The following TTLL2 variants were observed in gnomAD, a reference collection of about 807,000 sequenced individuals.
TTLL2 encodes the protein tubulin tyrosine ligase like 2, also known as probable tubulin polyglutamylase TTLL2.
In TTLL2, 10 loss-of-function variants were observed where a neutral mutation model predicts 7.5. That is an observed-to-expected ratio of 1.33 (90% CI 0.82 to 2.25). The LOEUF is 2.25. Ranked by LOEUF, TTLL2 falls within the 30% of genes most tolerant of loss-of-function variation. The probability of loss-of-function intolerance (pLI) is 0.00; values close to 1 mark genes in which losing one functional copy is unlikely to be tolerated. For synonymous variants in TTLL2, 284 were observed against 280.3 expected, an observed-to-expected ratio of 1.01 and a Z score of -0.13; for missense variants, 733 against 735.7, an observed-to-expected ratio of 1.00 and a Z score of 0.04.
At position 167,340,205 on chromosome 6, in the gene TTLL2, T is replaced by C. The variant is rs1296762980; in HGVS notation, c.305T>C (p.Val102Ala). ...DETTPAVVQSVLLERGWNKFD... is the reference protein window; with the variant it reads ...DETTPAVVQSALLERGWNKFD... ...ACCACCCCGGCTGTGGTGCAAAGCGTCCTCCTGGAGAGGGGGTGGAATAAG... is the reference window on the plus strand; with the variant it reads ...ACCACCCCGGCTGTGGTGCAAAGCGCCCTCCTGGAGAGGGGGTGGAATAAG... Residue 102 changes from valine (V) to alanine (A), a missense_variant, in exon 3 of 3, where the codon GTC (valine) becomes GCC (alanine). Physicochemically the swap from Val to Ala is moderately conservative, Grantham distance 64. Coordinates refer to ENST00000239587, the MANE Select transcript of TTLL2 (RefSeq NM_031949.5). 2 of 1,614,030 alleles carry C rather than the reference T, an allele frequency of 1.2e-6. No homozygotes were observed. Among genetic ancestry groups the C allele is most frequent in the Admixed American group, 3.3e-5 (2 of 60,020 alleles).
rs1779058269 is a variant in TTLL2, at chr6:167,340,229, A to C, written c.329A>C (p.Lys110Thr). ...GTCCTCCTGGAGAGGGGGTGGAATA[A>C]GTTTGATAAGCAGGAGCAGAACGCG... ...QSVLLERGWN[K>T]FDKQEQNAED... Residue 110 changes from lysine to threonine, a missense_variant, in exon 3 of 3, where the codon AAG (lysine) becomes ACG (threonine). Transcript: ENST00000239587. 6.2e-7 allele frequency: 1 copy of C among 1,614,120 alleles called. No homozygotes were observed.
chr6:167,338,567 C>A, intron 1 of TTLL2, 80 bp from the exon 2 acceptor site: 1 of 1,486,380 alleles, frequency 6.7e-7, no homozygotes, highest in Non-Finnish European at 9.0e-7. Flanking sequence ...ATGGATTGAT[C>A]AATTCTGTAT....
intron 1 of TTLL2, among the ~76,000 whole-genome samples, chr6:167,331,438 C>T (rs912553449): frequency 6.6e-6 from 1 of 152,132 alleles, no homozygotes; most frequent in Non-Finnish European, 1.5e-5. Flanking sequence ...CTCTAGAAAC[C>T]TCTGTTGTAC....
intron 1 of TTLL2, among the ~76,000 whole-genome samples, chr6:167,329,494 C>A (rs1778893446): frequency 6.6e-6 from 1 of 152,152 alleles, no homozygotes; most frequent in African/African-American, 2.4e-5. Context: ...GTTAAATTGA[C>A]AGGTGTCCCA....
At chr6:167,330,222 G>A (rs1482578760) in intron 1 of TTLL2, among the ~76,000 whole-genome samples, 1 of 152,166 alleles carries the variant, frequency 6.6e-6, no homozygotes, top group Non-Finnish European at 1.5e-5. Flanking sequence ...TTGTGTGTCT[G>A]TATTACTTGT....
At chr6:167,330,762 A>C (rs1313087452) in intron 1 of TTLL2, among the ~76,000 whole-genome samples, 3 of 152,178 alleles carry the variant, frequency 2.0e-5, no homozygotes, top group Non-Finnish European at 2.9e-5. Flanking sequence ...CTCATATTTC[A>C]GCCAGCGAGG....
At position 167,341,849 on chromosome 6, in the gene TTLL2, CAATATGTT is replaced by C; in HGVS notation, c.*171_*178del. On this transcript the variant is annotated 3_prime_UTR_variant, in exon 3 of 3. Coordinates refer to ENST00000239587, the MANE Select transcript of TTLL2 (RefSeq NM_031949.5). ...TAAATATAACAGCTCTGACAAAGCA[CAATATGTT>C]CAAGTGGTGATTAAACTACATTACA... 6 of 699,664 alleles carry C rather than the reference CAATATGTT, an allele frequency of 8.6e-6. No homozygotes were observed. The highest frequency in any genetic ancestry group is 1.4e-5 in the Non-Finnish European group (6 of 434,736). 43.3% of individuals were successfully genotyped at this position (699,664 alleles called of 1,614,324 possible).
chr6:167,341,140 C>T lies in TTLL2; in HGVS notation c.1240C>T (p.Leu414=), dbSNP rs143209428. 4,589 of 1,613,816 alleles carry T rather than the reference C, an allele frequency of 2.8e-3. 14 individuals carry two copies. Among genetic ancestry groups the T allele is most frequent in the Middle Eastern group, 6.9e-3 (42 of 6,062 alleles). The change falls in exon 3 of 3, where the codon CTG becomes TTG. Residue 414 remains leucine (L), a synonymous_variant. Transcript: ENST00000239587. ...AAAACTTGTCCATGATATTATTGACCTGATTTACTTAAATGGTCTAAGAAA... is the reference window on the plus strand; with the variant it reads ...AAAACTTGTCCATGATATTATTGACTTGATTTACTTAAATGGTCTAAGAAA... ...KRKLVHDIID[L]IYLNGLRNEG... is the part of the protein sequence containing the mutation.
At chr6:167,337,919 A>C (rs1234861868) in intron 1 of TTLL2, among the ~76,000 whole-genome samples, 1 of 152,006 alleles carries the variant, frequency 6.6e-6, no homozygotes, top group Non-Finnish European at 1.5e-5. Flanking sequence ...CATACACAGC[A>C]CATACAACAC....
chr6:167,331,853 C>T (rs944382963), intron 1 of TTLL2, among the ~76,000 whole-genome samples: 3 of 152,156 alleles, frequency 2.0e-5, no homozygotes, highest in African/African-American at 7.2e-5. Context: ...TACCTCACTC[C>T]CGATTTCTAT....
At chr6:167,327,442 T>C (rs1778860561) in intron 1 of TTLL2, among the ~76,000 whole-genome samples, 1 of 152,182 alleles carries the variant, frequency 6.6e-6, no homozygotes, top group Non-Finnish European at 1.5e-5. Flanking sequence ...AGGAGTAAAA[T>C]GGGAGGCAGG....
rs139171962 is a variant in TTLL2, at chr6:167,340,474, G to A, written c.574G>A (p.Val192Met). 27 of 1,613,988 alleles carry A rather than the reference G, an allele frequency of 1.7e-5. 1 individual carries two copies. Among genetic ancestry groups the A allele is most frequent in the African/African-American group, 2.7e-5 (2 of 74,870 alleles). Reference sequence around the variant, plus strand: ...CATGCCCAATGACTATACCAAGTTCGTGGCTGAATACTTTCAGGAGAGGCA... The same window carrying A: ...CATGCCCAATGACTATACCAAGTTCATGGCTGAATACTTTCAGGAGAGGCA... ...FVMPNDYTKF[V>M]AEYFQERQML... The change falls in exon 3 of 3, where the codon GTG (valine) becomes ATG (methionine). Residue 192 changes from valine to methionine, a missense_variant. By Grantham distance (21) the Val-to-Met change is conservative. Coordinates refer to ENST00000239587, the MANE Select transcript of TTLL2 (RefSeq NM_031949.5).
chr6:167,341,928 C>G lies in TTLL2; in HGVS notation c.*249C>G, dbSNP rs1779103601. On this transcript the variant is annotated 3_prime_UTR_variant, in exon 3 of 3. Coordinates refer to ENST00000239587, the MANE Select transcript of TTLL2 (RefSeq NM_031949.5). The stretch of plus-strand genomic sequence containing the variant: ...GTGTCTTGAAAGAATTCTACAAATA[C>G]CACACAGCCTCCCACCAGTAATTGA... 2.1e-6 allele frequency: 1 copy of G among 480,206 alleles called. No homozygotes were observed. Among genetic ancestry groups the G allele is most frequent in the Non-Finnish European group, 3.6e-6 (1 of 274,148 alleles). The allele number at this position is 480,206 out of a possible 1,614,324, so 29.7% of individuals were successfully genotyped here. A position where few individuals can be genotyped will look rare whatever the true frequency, so the allele number is the denominator to read the frequency against.
chr6:167,339,641 C>T lies in TTLL2; in HGVS notation c.205-464C>T, dbSNP rs891325024. On this transcript the variant is annotated intron_variant, in intron 2 of 2. Coordinates refer to ENST00000239587, the MANE Select transcript of TTLL2 (RefSeq NM_031949.5). ...GCCTGGCCTTCTTAAATTTCTCAGG[C>T]CAAAAGAACTCTTACTAATTTTATG... 4.6e-5 allele frequency among the ~76,000 whole-genome samples: 7 copies of T among 152,074 alleles called. No homozygotes were observed. The East Asian group carries it at 1.3e-3, about 29-fold the overall frequency.
intron 1 of TTLL2, among the ~76,000 whole-genome samples, chr6:167,325,931 G>T (rs1167424189): frequency 6.6e-6 from 1 of 152,182 alleles, no homozygotes; most frequent in Non-Finnish European, 1.5e-5. Context: ...CGGGAAGCGG[G>T]CTGTGACAGG....
intron 1 of TTLL2, among the ~76,000 whole-genome samples, chr6:167,336,377 A>G (rs893404176): frequency 1.1e-4 from 16 of 152,184 alleles, no homozygotes; most frequent in African/African-American, 3.1e-4. Flanking sequence ...TATTGTCACT[A>G]TGTTCTATAT....
At position 167,338,779 on chromosome 6, in the gene TTLL2, C is replaced by CT; in HGVS notation, c.180_181insT (p.Pro61SerfsTer18). ...TTTCCATCCCTCCCAGGCGAGGCCGCCCAACACCAACACTGGAGAAGAAGG... is the reference window on the plus strand; with the variant it reads ...TTTCCATCCCTCCCAGGCGAGGCCGCTCCAACACCAACACTGGAGAAGAAGG... On this transcript the variant is annotated frameshift_variant, in exon 2 of 3. Transcript: ENST00000239587. LOFTEE classifies it low-confidence loss of function (END_TRUNC). 2 of 1,612,756 alleles carry CT rather than the reference C, an allele frequency of 1.2e-6. No homozygotes were observed. Among genetic ancestry groups the CT allele is most frequent in the Non-Finnish European group, 1.7e-6 (2 of 1,179,186 alleles).
intron 1 of TTLL2, among the ~76,000 whole-genome samples, chr6:167,326,903 A>T (rs1778853816): frequency 6.6e-6 from 1 of 152,206 alleles, no homozygotes; most frequent in South Asian, 2.1e-4. Context: ...TAAGAAGTTT[A>T]TGTGCCAAGG....
Position 167,341,217 on chromosome 6 carries a change from T to C in TTLL2, c.1317T>C (p.Ala439=). The change falls in exon 3 of 3, where the codon GCT becomes GCC. Residue 439 remains alanine (A), a synonymous_variant. Coordinates refer to ENST00000239587, the MANE Select transcript of TTLL2 (RefSeq NM_031949.5). ...NATHGNSNID[A]AKSDRGGLDA... is the part of the protein sequence containing the mutation. Reference sequence around the variant, plus strand: ...CACATGGAAATTCCAACATCGACGCTGCAAAAAGTGACAGAGGTGGGCTTG... The same window carrying C: ...CACATGGAAATTCCAACATCGACGCCGCAAAAAGTGACAGAGGTGGGCTTG... 1.2e-6 allele frequency: 2 copies of C among 1,613,648 alleles called. No homozygotes were observed. Among genetic ancestry groups the C allele is most frequent in the Non-Finnish European group, 1.7e-6 (2 of 1,179,974 alleles).
Sources: gnomAD v4.1 joint callset for allele counts (sites outside exome capture counted in the v4.1 genomes callset) on GRCh38, gnomAD v4.1.1 for gene constraint, MANE v1.5 for transcripts, NCBI Gene and HGNC (gene_info 2026-07-23, HGNC 2026-07-21) for gene names.